LRRIQ1: variants seen among roughly 807,000 people sequenced by gnomAD.
LRRIQ1 encodes the protein leucine rich repeats and IQ motif containing 1.
In LRRIQ1, 210 loss-of-function variants were observed where a neutral mutation model predicts 211.9. The ratio of observed to expected loss-of-function variants is 0.99; its 90% CI spans 0.89 to 1.11. The LOEUF is 1.11. LRRIQ1 is among the 50% of genes most tolerant of loss of function. The pLI is 0.00. For missense variants in LRRIQ1, 2,136 were observed against 1,939.5 expected (o/e 1.10, Z -1.90); for synonymous variants, 699 against 650.1 (o/e 1.08, Z -1.14).
chr12:85,152,264 A>T lies in LRRIQ1; in HGVS notation c.4330-16A>T, dbSNP rs188220087. The T allele has an allele frequency of 6.3e-7, 1 of 1,594,470 alleles. No individual in the cohort carries two copies. ...ATGTAAGCTAAATTACATACATTTT[A>T]ATATTATTTGTGCAGGCTGCCTTAG... On this transcript the variant is annotated splice_polypyrimidine_tract_variant and intron_variant, in intron 19 of 26. Coordinates refer to ENST00000393217, the MANE Select transcript of LRRIQ1 (RefSeq NM_001079910.2).
intron 23 of LRRIQ1, among the ~76,000 whole-genome samples, chr12:85,158,628 G>T (rs1890690833): frequency 6.6e-6 from 1 of 151,714 alleles, no homozygotes; most frequent in Non-Finnish European, 1.5e-5. Context: ...TGCATAATAG[G>T]GACATGGTTA....
chr12:85,117,513 A>G (rs1362421534), intron 15 of LRRIQ1, among the ~76,000 whole-genome samples: 2 of 152,328 alleles, frequency 1.3e-5, no homozygotes, highest in East Asian at 3.9e-4. Context: ...TTCAAAGACT[A>G]GAACATGACT....
chr12:85,251,074 T>C (rs1895931208), intron 1 of LRRIQ1, among the ~76,000 whole-genome samples: 1 of 143,076 alleles, frequency 7.0e-6, no homozygotes, highest in Non-Finnish European at 1.5e-5. Flanking sequence ...GAATTATAAG[T>C]GTATTTATGA....
chr12:85,169,144 TAGG>T (rs981875424), intron 24 of LRRIQ1, among the ~76,000 whole-genome samples: 5 of 152,178 alleles, frequency 3.3e-5, no homozygotes, highest in African/African-American at 1.2e-4. Flanking sequence ...GCTTTTGAGA[TAGG>T]AGACAAAACT....
intron 21 of LRRIQ1, 84 bp downstream of exon 21, chr12:85,153,229 CTA>C: frequency 1.6e-6 from 2 of 1,254,336 alleles, no homozygotes; most frequent in Non-Finnish European, 2.2e-6. Context: ...AATTATAAAA[CTA>C]GATGTGAATT....
chr12:85,110,284 A>G (rs1887080640), intron 15 of LRRIQ1, among the ~76,000 whole-genome samples: 1 of 152,160 alleles, frequency 6.6e-6, no homozygotes, highest in South Asian at 2.1e-4. Flanking sequence ...GGGAGATAAA[A>G]TGTAGGCACA....
At chr12:85,171,457 T>C (rs1891413528) in intron 24 of LRRIQ1, among the ~76,000 whole-genome samples, 2 of 152,130 alleles carry the variant, frequency 1.3e-5, no homozygotes, top group African/African-American at 2.4e-5. Flanking sequence ...TCTTGGCATA[T>C]CATCATAAAA....
chr12:85,084,369 A>G (rs1023806990), intron 11 of LRRIQ1, among the ~76,000 whole-genome samples: 8 of 152,184 alleles, frequency 5.3e-5, no homozygotes, highest in African/African-American at 1.7e-4. Context: ...GAACATTGTA[A>G]TAATTCAGCC....
At chr12:85,194,200 T>G (rs957866603) in intron 24 of LRRIQ1, among the ~76,000 whole-genome samples, 10 of 120,116 alleles carry the variant, frequency 8.3e-5, no homozygotes, top group African/African-American at 3.4e-4. Flanking sequence ...ACAAAGAGAC[T>G]TAGACTCCCA....
At chr12:85,257,046 T>TTATATA (rs541495250) in intron 1 of LRRIQ1, among the ~76,000 whole-genome samples, 1 of 108,516 alleles carries the variant, frequency 9.2e-6, no homozygotes, top group Non-Finnish European at 1.8e-5. Context: ...TATTATATAA[T>TTATATA]TATATATATA....
At chr12:85,065,477 A>C in intron 9 of LRRIQ1, 63 bp downstream of exon 9, 1 of 1,291,124 alleles carries the variant, frequency 7.7e-7, no homozygotes, top group South Asian at 1.8e-5. Flanking sequence ...TTATGTTTAC[A>C]TTTCAGAAAT....
At chr12:85,169,284 G>A (rs1239135335) in intron 24 of LRRIQ1, among the ~76,000 whole-genome samples, 1 of 152,062 alleles carries the variant, frequency 6.6e-6, no homozygotes, top group Admixed American at 6.6e-5. Flanking sequence ...GACTAGTAGG[G>A]AGAGAGGAAC....
chr12:85,117,781 A>G (rs1333072299), intron 15 of LRRIQ1, among the ~76,000 whole-genome samples: 3 of 152,208 alleles, frequency 2.0e-5, no homozygotes. Flanking sequence ...CTGCCAGTAC[A>G]CTTTATTGTC....
chr12:85,047,127 T>G lies in LRRIQ1; in HGVS notation c.455-120T>G, dbSNP rs150635429. 1,425 of 657,874 alleles carry G rather than the reference T, an allele frequency of 2.2e-3. 23 individuals are homozygous for G. In the African/African-American group the frequency reaches 0.023, roughly 11 times the overall value. The allele number at this position is 657,874 out of a possible 1,614,324, so 40.8% of individuals were successfully genotyped here. The stretch of plus-strand genomic sequence containing the variant: ...GTAACAAACCTGCACGTTGTGCACA[T>G]GTACCCTAGAACTTAAAGTAAAATT... On this transcript the variant is annotated intron_variant, in intron 5 of 26. Coordinates refer to ENST00000393217, the MANE Select transcript of LRRIQ1 (RefSeq NM_001079910.2).
intron 11 of LRRIQ1, among the ~76,000 whole-genome samples, chr12:85,089,447 G>C (rs1592773150): frequency 6.6e-6 from 1 of 152,322 alleles, no homozygotes; most frequent in South Asian, 2.1e-4. Flanking sequence ...CTGGATAAAT[G>C]GTTGTTGCCA....
chr12:85,076,600 A>G (rs907644334), intron 11 of LRRIQ1: 2 of 766,590 alleles, frequency 2.6e-6, no homozygotes, highest in African/African-American at 3.8e-5. Flanking sequence ...TATTGTAAAT[A>G]TGAAAGATAT....
intron 24 of LRRIQ1, among the ~76,000 whole-genome samples, chr12:85,205,880 C>T (rs758828186): frequency 6.6e-6 from 1 of 152,150 alleles, no homozygotes; most frequent in South Asian, 2.1e-4. Context: ...TTCCTCAGCT[C>T]CGTTGATCCT....
chr12:85,157,055 ATTTT>A (rs1167954678), intron 23 of LRRIQ1, among the ~76,000 whole-genome samples: 2 of 151,918 alleles, frequency 1.3e-5, no homozygotes, highest in Non-Finnish European at 2.9e-5. Flanking sequence ...AGTCAATAAT[ATTTT>A]ATTTATTTAA....
chr12:85,098,777 G>T, intron 12 of LRRIQ1, 90 bp from the exon 13 acceptor site: 1 of 950,278 alleles, frequency 1.1e-6, no homozygotes. Context: ...TCTATCTGTT[G>T]TTAGTTTTGG....
Sources: allele counts gnomAD v4.1 joint callset (sites outside exome capture counted in the v4.1 genomes callset), GRCh38; gene constraint gnomAD v4.1.1; transcripts MANE v1.5; gene names NCBI Gene and HGNC (gene_info 2026-07-23, HGNC 2026-07-21).